LOC128706665: variants seen among roughly 807,000 people sequenced by gnomAD.
the LOC128706665 span, among the ~76,000 whole-genome samples, chr20:10,421,314 C>T: frequency 2.0e-5 from 3 of 151,236 alleles, no homozygotes; most frequent in Non-Finnish European, 2.9e-5. Flanking sequence ...ATCCTAGCTA[C>T]TCTGGAGGCT....
At chr20:10,431,808 A>T in the LOC128706665 span, 1 of 152,112 alleles carries the variant, frequency 6.6e-6, no homozygotes, top group Non-Finnish European at 1.5e-5. Context: ...AAAAGTAGAG[A>T]ATCTTGTCCC....
At chr20:10,432,897 C>T in the LOC128706665 span, among the ~76,000 whole-genome samples, 4 of 150,888 alleles carry the variant, frequency 2.7e-5, no homozygotes, top group South Asian at 2.1e-4. Flanking sequence ...CCTAATACAA[C>T]GTTAAATGCT....
the LOC128706665 span, among the ~76,000 whole-genome samples, chr20:10,428,058 G>A: frequency 1.2e-4 from 18 of 152,200 alleles, no homozygotes; most frequent in African/African-American, 4.3e-4. Context: ...AAAATATACT[G>A]AAAGCATCAT....
At chr20:10,418,285 C>T in the LOC128706665 span, among the ~76,000 whole-genome samples, 21,933 of 152,086 alleles carry the variant, frequency 0.14, 1,779 homozygotes, top group East Asian at 0.24. Context: ...CTGGTTGTGG[C>T]GAAATGCCCT....
At chr20:10,431,357 T>C in the LOC128706665 span, among the ~76,000 whole-genome samples, 1 of 152,166 alleles carries the variant, frequency 6.6e-6, no homozygotes, top group Non-Finnish European at 1.5e-5. Flanking sequence ...ACAAGATTAA[T>C]TCTATCCAAA....
chr20:10,422,085 T>C, the LOC128706665 span, among the ~76,000 whole-genome samples: 3 of 152,286 alleles, frequency 2.0e-5, no homozygotes, highest in East Asian at 1.9e-4. Context: ...CTGAGTTAAA[T>C]AGTCTGAACC....
chr20:10,433,725 G>A, the LOC128706665 span, among the ~76,000 whole-genome samples: 3 of 152,014 alleles, frequency 2.0e-5, no homozygotes, highest in South Asian at 2.1e-4. Flanking sequence ...GGGGTACACC[G>A]TGCACCCTCC....
At chr20:10,425,152 A>G in the LOC128706665 span, among the ~76,000 whole-genome samples, 1 of 152,188 alleles carries the variant, frequency 6.6e-6, no homozygotes, top group African/African-American at 2.4e-5. Context: ...AAATATAGAA[A>G]CAAGGAAAAG....
chr20:10,433,754 G>A, the LOC128706665 span, among the ~76,000 whole-genome samples: 1 of 152,090 alleles, frequency 6.6e-6, no homozygotes, highest in Non-Finnish European at 1.5e-5. Context: ...AGGGGCACAC[G>A]GGGCCCCTCC....
At chr20:10,432,165 A>C in the LOC128706665 span, among the ~76,000 whole-genome samples, 29 of 152,356 alleles carry the variant, frequency 1.9e-4, no homozygotes, top group African/African-American at 6.5e-4. Context: ...GGGGTATAAA[A>C]GCCTGGCCCT....
the LOC128706665 span, among the ~76,000 whole-genome samples, chr20:10,427,029 G>GCACACAC: frequency 7.6e-6 from 1 of 130,724 alleles, no homozygotes; most frequent in Non-Finnish European, 1.6e-5. Flanking sequence ...AGAAAACACT[G>GCACACAC]ACACACACAC....
chr20:10,431,527 AAAACCAAACCAAACCAAACC>A, the LOC128706665 span, among the ~76,000 whole-genome samples: 40 of 150,844 alleles, frequency 2.7e-4, no homozygotes, highest in East Asian at 9.8e-4. Context: ...ATAGGGTCAA[AAAACCAAACCAAACCAAACC>A]AAACCAAACC....
chr20:10,417,670 G>C, the LOC128706665 span, among the ~76,000 whole-genome samples: 21,826 of 83,948 alleles, frequency 0.26, 1,779 homozygotes, highest in African/African-American at 0.37. Flanking sequence ...AGCCTTCTCT[G>C]TAAAAAAAAA....
chr20:10,420,046 G>A, the LOC128706665 span, among the ~76,000 whole-genome samples: 3 of 152,014 alleles, frequency 2.0e-5, no homozygotes, highest in Admixed American at 6.6e-5. Flanking sequence ...TGGAATTATG[G>A]ATAAGGGACT....
At chr20:10,414,063 A>C in the LOC128706665 span, 1 of 372,512 alleles carries the variant, frequency 2.7e-6, no homozygotes, top group African/African-American at 2.1e-5. Context: ...AAACGTCCAG[A>C]AAATGAGAAA....
the LOC128706665 span, among the ~76,000 whole-genome samples, chr20:10,415,409 T>C: frequency 1.3e-5 from 2 of 152,184 alleles, no homozygotes; most frequent in Admixed American, 6.5e-5. Flanking sequence ...TATGCAAATG[T>C]TATTTTGGTT....
At chr20:10,430,194 A>G in the LOC128706665 span, among the ~76,000 whole-genome samples, 1 of 152,212 alleles carries the variant, frequency 6.6e-6, no homozygotes, top group South Asian at 2.1e-4. Context: ...TCAGAAAGTC[A>G]AGCACTTTAA....
chr20:10,416,433 C>T, the LOC128706665 span, among the ~76,000 whole-genome samples: 1 of 151,778 alleles, frequency 6.6e-6, no homozygotes, highest in Admixed American at 6.6e-5. Flanking sequence ...AAAACAACAA[C>T]AGGAGTCAAC....
chr20:10,427,468 TGAA>T, the LOC128706665 span, among the ~76,000 whole-genome samples: 1 of 152,250 alleles, frequency 6.6e-6, no homozygotes, highest in African/African-American at 2.4e-5. Context: ...TGAAACTTTA[TGAA>T]GTTTACTGGA....
Sources: allele counts gnomAD v4.1 joint callset (sites outside exome capture counted in the v4.1 genomes callset), GRCh38; gene constraint gnomAD v4.1.1; transcripts MANE v1.5.